Variants in ZFP90 observed in about 807,000 individuals in gnomAD.
ZFP90 encodes the protein ZFP90 zinc finger protein.
A neutral mutation model predicts 60.8 loss-of-function variants in ZFP90; 38 were observed. The ratio of observed to expected loss-of-function variants is 0.62; its 90% CI spans 0.48 to 0.82. ZFP90 has a LOEUF of 0.82. ZFP90 is among the 40% of genes least tolerant of loss of function. The pLI, the probability that ZFP90 is intolerant of heterozygous loss-of-function variation, is 0.00. For missense variants in ZFP90, 711 were observed against 759.1 expected (o/e 0.94, Z 0.74); for synonymous variants, 287 against 264.8 (o/e 1.08, Z -0.82).
Position 68,563,279 on chromosome 16 carries a change from T to C in ZFP90, c.492T>C (p.Ser164=). 1 of 1,614,036 alleles carries C rather than the reference T, an allele frequency of 6.2e-7. No homozygotes were observed. The highest frequency in any genetic ancestry group is 2.2e-5 in the East Asian group (1 of 44,890). ...NFEQNKFGEN[S]RLNTNLVTQL... ...AGCAAAATAAATTTGGTGAAAATTC[T>C]AGATTGAACACCAATTTGGTTACAC... The change falls in exon 5 of 5, where the codon TCT becomes TCC. Residue 164 remains serine, a synonymous_variant. Coordinates refer to ENST00000563169, the MANE Select transcript of ZFP90 (RefSeq NM_001305203.2).
chr16:68,556,626 T>C lies in ZFP90; in HGVS notation c.34-1372T>C, dbSNP rs145690484. Among the ~76,000 whole-genome samples, 110 of 152,332 alleles carry C rather than the reference T, an allele frequency of 7.2e-4. 1 individual carries two copies. In the East Asian group the frequency reaches 0.017, roughly 24 times the overall value. The stretch of plus-strand genomic sequence containing the variant: ...GATCAAGATAAAGTCCCTGTTCCCA[T>C]GGAACTTACAGTGGAGAGACAGACA... On this transcript the variant is annotated intron_variant, in intron 2 of 4. Coordinates refer to ENST00000563169, the MANE Select transcript of ZFP90 (RefSeq NM_001305203.2).
At chr16:68,550,928 T>G (rs1015705380) in intron 2 of ZFP90, among the ~76,000 whole-genome samples, 6 of 152,230 alleles carry the variant, frequency 3.9e-5, no homozygotes, top group Non-Finnish European at 2.9e-5. Context: ...TCTTCAATAC[T>G]GCAGATGGTG....
At chr16:68,537,848 G>A (rs1445525860), upstream of ZFP90, among the ~76,000 whole-genome samples, 1 of 152,000 alleles carries the variant, frequency 6.6e-6, no homozygotes, top group Non-Finnish European at 1.5e-5. Flanking sequence ...TTCATTACTT[G>A]TTAGCCCCTT....
At chr16:68,556,822 C>T (rs1164958858) in intron 2 of ZFP90, among the ~76,000 whole-genome samples, 3 of 152,058 alleles carry the variant, frequency 2.0e-5, no homozygotes, top group Non-Finnish European at 4.4e-5. Flanking sequence ...GACAGCCTTC[C>T]CGAGGAGGCC....
In ZFP90 at chr16:68,564,039, A is replaced by G. The variant is rs967501083; in HGVS notation, c.1252A>G (p.Arg418Gly). 4 of 1,614,088 alleles carry G rather than the reference A, an allele frequency of 2.5e-6. No homozygotes were observed. The Admixed American group carries it at 6.7e-5, about 27-fold the overall frequency. ...SLYKHMRIHK[R>G]GKPYQSSNYS... ...TTATAAACATATGAGGATTCATAAGAGAGGCAAACCTTACCAAAGCAGTAA... is the reference window on the plus strand; with the variant it reads ...TTATAAACATATGAGGATTCATAAGGGAGGCAAACCTTACCAAAGCAGTAA... The change falls in exon 5 of 5, where the codon AGA becomes GGA. Residue 418 changes from arginine (R) to glycine (G), a missense_variant. By Grantham distance (125) the Arg-to-Gly change is moderately radical (BLOSUM62 -2). Coordinates refer to ENST00000563169, the MANE Select transcript of ZFP90 (RefSeq NM_001305203.2).
In ZFP90 at chr16:68,566,455, CTCA is replaced by C. The variant is rs916343241; in HGVS notation, c.*1762_*1764del. 4 of 984,804 alleles carry C rather than the reference CTCA, an allele frequency of 4.1e-6. No individual in the cohort carries two copies. Among genetic ancestry groups the C allele is most frequent in the Admixed American group, 6.2e-5 (1 of 16,244 alleles). 61.0% of individuals were successfully genotyped at this position (984,804 alleles called of 1,614,324 possible). A position where few individuals can be genotyped will look rare whatever the true frequency, so the allele number is the denominator to read the frequency against. The stretch of plus-strand genomic sequence containing the variant: ...ACATAGCAGGATTCATTGCCTTTCT[CTCA>C]TCATGGATGGCATGCAGCAGCACCC... On this transcript the variant is annotated 3_prime_UTR_variant, in exon 5 of 5. Transcript: ENST00000563169.
intron 1 of ZFP90, among the ~76,000 whole-genome samples, chr16:68,533,530 C>T (rs1219626587): frequency 1.3e-5 from 2 of 152,144 alleles, no homozygotes; most frequent in African/African-American, 4.8e-5. Flanking sequence ...AATCATTTTC[C>T]TTCCATTTGA....
exon 3 of ZFP90, chr16:68,575,795 T>G (rs1488689731): frequency 1.5e-5 from 6 of 398,250 alleles, no homozygotes; most frequent in Non-Finnish European, 2.7e-5. Context: ...GCCTAGGATT[T>G]GTCTGCCTCC....
At chr16:68,558,673 A>G (rs549611159) in intron 4 of ZFP90, 105 bp downstream of exon 4, 6 of 986,840 alleles carry the variant, frequency 6.1e-6, no homozygotes, top group Middle Eastern at 2.1e-4. Context: ...CTAGATCTGC[A>G]TAGGAGGCTG....
intron 2 of ZFP90, among the ~76,000 whole-genome samples, chr16:68,542,272 CAG>C (rs1278302944): frequency 8.5e-5 from 13 of 152,084 alleles, no homozygotes; most frequent in African/African-American, 2.9e-4. Flanking sequence ...GGGAAGAAGT[CAG>C]TGGAGTTTTC....
chr16:68,564,698 G>A lies in ZFP90; in HGVS notation c.1911G>A (p.Ter637=), dbSNP rs1434364205. Residue 637 remains the stop codon, a stop_retained_variant, in exon 5 of 5, where the codon TAG becomes TAA. Transcript: ENST00000563169. The stretch of plus-strand genomic sequence containing the variant: ...GAATTCATACTCGAAATAAACTCTA[G>A]GAACCGTGAAATTAAGGAATTTGCA... ...HQRIHTRNKL[*] The A allele has an allele frequency of 3.1e-6, 5 of 1,589,572 alleles. No individual in the cohort carries two copies. Among genetic ancestry groups the A allele is most frequent in the Non-Finnish European group, 4.3e-6 (5 of 1,171,404 alleles).
At chr16:68,560,915 T>G (rs2091430972) in intron 4 of ZFP90, among the ~76,000 whole-genome samples, 1 of 148,150 alleles carries the variant, frequency 6.7e-6, no homozygotes, top group Non-Finnish European at 1.5e-5. Context: ...GGAATCTCAC[T>G]CTGTCACCCA....
Position 68,558,009 on chromosome 16 carries a change from A to G in ZFP90, c.45A>G (p.Thr15=), listed in dbSNP as rs767790893. 2.5e-6 allele frequency: 4 copies of G among 1,613,806 alleles called. No individual in the cohort carries two copies. In the Admixed American group the frequency reaches 5.0e-5, roughly 20 times the overall value. Residue 15 remains threonine, a synonymous_variant, in exon 3 of 5, where the codon ACA becomes ACG. Coordinates refer to ENST00000563169, the MANE Select transcript of ZFP90 (RefSeq NM_001305203.2). ...PPTAAPQESV[T]FKDVSVDFTQ... ...ATGTGATTTTACAGGAATCAGTGAC[A>G]TTCAAAGATGTGTCTGTGGACTTCA...
rs180732600 is a variant in ZFP90, at chr16:68,564,419, G to A, written c.1632G>A (p.Glu544=). The A allele has an allele frequency of 2.5e-6, 4 of 1,613,872 alleles. No individual in the cohort carries two copies. Among genetic ancestry groups the A allele is most frequent in the African/African-American group, 1.3e-5 (1 of 74,970 alleles). ...FSRRSSLTQH[E]RTHTGEKPYE... is the part of the protein sequence containing the mutation. ...GACGCTCATCGCTTACTCAACATGA[G>A]AGAACCCACACTGGAGAGAAACCCT... is the stretch of plus-strand genomic sequence containing the variant. Residue 544 remains glutamate, a synonymous_variant, in exon 5 of 5, where the codon GAG becomes GAA. Transcript: ENST00000563169.
chr16:68,561,385 C>T (rs1241366471), intron 4 of ZFP90, among the ~76,000 whole-genome samples: 1 of 152,142 alleles, frequency 6.6e-6, no homozygotes. Context: ...ATATCTTTTT[C>T]CTCATTAGGC....
intron 2 of ZFP90, among the ~76,000 whole-genome samples, chr16:68,556,473 A>G (rs1470794205): frequency 6.6e-6 from 1 of 152,256 alleles, no homozygotes; most frequent in South Asian, 2.1e-4. Context: ...AGTAATGTTT[A>G]CAATAGCAGA....
rs2152077133 is a variant in ZFP90, at chr16:68,566,904, G to A, written c.*2206G>A. On this transcript the variant is annotated 3_prime_UTR_variant, in exon 5 of 5. Coordinates refer to ENST00000563169, the MANE Select transcript of ZFP90 (RefSeq NM_001305203.2). Reference sequence around the variant, plus strand: ...CCAGAAGACCCAAAGGAGAGTACTGGTTTGTGTTTGGTGCTTGGCCTAGAT... The same window carrying A: ...CCAGAAGACCCAAAGGAGAGTACTGATTTGTGTTTGGTGCTTGGCCTAGAT... The A allele has an allele frequency of 5.1e-6, 5 of 985,602 alleles. No homozygotes were observed. Among genetic ancestry groups the A allele is most frequent in the Non-Finnish European group, 6.0e-6 (5 of 829,968 alleles). The allele number at this position is 985,602 out of a possible 1,614,324, so 61.1% of individuals were successfully genotyped here.
chr16:68,564,847 T>TTTG lies in ZFP90; in HGVS notation c.*151_*152insGTT. On this transcript the variant is annotated 3_prime_UTR_variant, in exon 5 of 5. Coordinates refer to ENST00000563169, the MANE Select transcript of ZFP90 (RefSeq NM_001305203.2). The stretch of plus-strand genomic sequence containing the variant: ...GAAAACTGCCAGTAGACAGATTTTT[T>TTTG]TTTTTTAACATAAAGACACATTCTC... The TTTG allele has an allele frequency of 7.1e-7, 1 of 1,406,788 alleles. No homozygotes were observed. Among genetic ancestry groups the TTTG allele is most frequent in the Non-Finnish European group, 9.2e-7 (1 of 1,086,684 alleles). 87.1% of individuals were successfully genotyped at this position (1,406,788 alleles called of 1,614,324 possible). A position where few individuals can be genotyped will look rare whatever the true frequency, so the allele number is the denominator to read the frequency against.
At chr16:68,541,362 A>G (rs1403195103) in intron 2 of ZFP90, among the ~76,000 whole-genome samples, 2 of 151,046 alleles carry the variant, frequency 1.3e-5, no homozygotes, top group Admixed American at 6.6e-5. Context: ...TTTTGTAAAG[A>G]TGGGGTTTCT....
Sources: allele counts gnomAD v4.1 joint callset (sites outside exome capture counted in the v4.1 genomes callset), GRCh38; gene constraint gnomAD v4.1.1; transcripts MANE v1.5; gene names NCBI Gene and HGNC (gene_info 2026-07-23, HGNC 2026-07-21).